Variants in AP5S1 observed in about 807,000 individuals in gnomAD.
AP5S1 encodes the protein AP-5 complex subunit sigma-1.
A neutral mutation model predicts 13.9 loss-of-function variants in AP5S1; 13 were observed. That is an observed-to-expected ratio of 0.94 (90% CI 0.61 to 1.49). AP5S1 has a LOEUF of 1.49. Among genes scored for constraint, AP5S1 ranks in the 40% most tolerant of loss-of-function variants. The pLI, the probability that AP5S1 is intolerant of heterozygous loss-of-function variation, is 0.00. For missense variants in AP5S1, 292 were observed against 272.3 expected (o/e 1.07, Z -0.51); for synonymous variants, 132 against 121.8 (o/e 1.08, Z -0.55).
chr20:3,824,491 A>C lies in AP5S1; in HGVS notation c.*194A>C. On this transcript the variant is annotated 3_prime_UTR_variant, in exon 3 of 3. Transcript: ENST00000615891. The stretch of plus-strand genomic sequence containing the variant: ...CCTGTCCTCAGGTTAGTGGAACCAC[A>C]GAACTTCCTGAGCCTAGAGCTGCTG... 3.2e-6 allele frequency: 2 copies of C among 624,358 alleles called. No homozygotes were observed. The highest frequency in any genetic ancestry group is 5.5e-6 in the Non-Finnish European group (2 of 361,230). The allele number at this position is 624,358 out of a possible 1,614,324, so 38.7% of individuals were successfully genotyped here.
intron 2 of AP5S1, chr20:3,823,633 CA>C (rs2089600647): frequency 1.0e-6 from 1 of 985,270 alleles, no homozygotes; most frequent in South Asian, 4.7e-5. Flanking sequence ...TGCCCTTTTT[CA>C]GCCCAAGGAG....
At chr20:3,822,391 G>C in intron 2 of AP5S1, 98 bp downstream of exon 2, 1 of 1,209,106 alleles carries the variant, frequency 8.3e-7, no homozygotes, top group Non-Finnish European at 1.2e-6. Context: ...GGAGGACTAA[G>C]AAGCAGAGAG....
chr20:3,821,255 C>T (rs557078633), intron 1 of AP5S1, among the ~76,000 whole-genome samples: 1 of 152,336 alleles, frequency 6.6e-6, no homozygotes, highest in Non-Finnish European at 1.5e-5. Context: ...CGAGCTCCTG[C>T]ATTCAAAATC....
chr20:3,823,774 A>G, intron 2 of AP5S1, 97 bp from the exon 3 acceptor site: 1 of 1,524,894 alleles, frequency 6.6e-7, no homozygotes, highest in Non-Finnish European at 8.8e-7. Flanking sequence ...CTCACTTGAG[A>G]TATGGGGATG....
Position 3,823,878 on chromosome 20 carries a change from G to A in AP5S1, c.184G>A (p.Glu62Lys). The A allele has an allele frequency of 1.9e-6, 3 of 1,599,692 alleles. No homozygotes were observed. The highest frequency in any genetic ancestry group is 2.5e-6 in the Non-Finnish European group (3 of 1,177,836). ...EQILAVARQV[E>K]SMCRLQQQAS... ...CCTGCCCACTCTCCCCAGGCAGGTA[G>A]AGTCAATGTGTCGGCTGCAGCAGCA... is the stretch of plus-strand genomic sequence containing the variant. The change falls in exon 3 of 3, where the codon GAG (glutamate) becomes AAG (lysine). Residue 62 changes from glutamate to lysine, a missense_variant. Physicochemically the swap from Glu to Lys is moderately conservative, Grantham distance 56. Coordinates refer to ENST00000615891, the MANE Select transcript of AP5S1 (RefSeq NM_018347.3).
At chr20:3,821,457 C>A (rs559371609) in intron 1 of AP5S1, among the ~76,000 whole-genome samples, 2 of 152,100 alleles carry the variant, frequency 1.3e-5, no homozygotes, top group African/African-American at 2.4e-5. Flanking sequence ...ACTGCAGCCT[C>A]CCCTCCCGGG....
intron 2 of AP5S1, among the ~76,000 whole-genome samples, chr20:3,822,707 T>A (rs1036745813): frequency 1.1e-4 from 16 of 152,082 alleles, no homozygotes; most frequent in Non-Finnish European, 2.1e-4. Flanking sequence ...AGAACTAAGA[T>A]TTGAGAGTAG....
In AP5S1 at chr20:3,824,549, G is replaced by T. The variant is rs952341352; in HGVS notation, c.*252G>T. On this transcript the variant is annotated 3_prime_UTR_variant, in exon 3 of 3. Transcript: ENST00000615891. ...TAGACCGCTGCCGTGCGGCAGCCAC[G>T]CTTGTCCTTGAACCCACCTTCCTCC... is the stretch of plus-strand genomic sequence containing the variant. 6 of 533,164 alleles carry T rather than the reference G, an allele frequency of 1.1e-5. No homozygotes were observed. Among genetic ancestry groups the T allele is most frequent in the Non-Finnish European group, 2.0e-5 (6 of 298,508 alleles). 33.0% of individuals were successfully genotyped at this position (533,164 alleles called of 1,614,324 possible). A position where few individuals can be genotyped will look rare whatever the true frequency, so the allele number is the denominator to read the frequency against.
At chr20:3,821,986 C>A (rs926463965) in intron 1 of AP5S1, 116 bp from the exon 2 acceptor site, 3 of 1,400,028 alleles carry the variant, frequency 2.1e-6, no homozygotes, top group African/African-American at 1.5e-5. Context: ...TCAAAGTGTT[C>A]AGCCTCACTG....
intron 2 of AP5S1, 56 bp downstream of exon 2, chr20:3,822,349 G>GTT: frequency 1.3e-6 from 2 of 1,553,382 alleles, no homozygotes; most frequent in Non-Finnish European, 1.8e-6. Flanking sequence ...ATTGTAATAG[G>GTT]TATTTTCGGG....
At position 3,824,535 on chromosome 20, in the gene AP5S1, C is replaced by T. The variant is rs555825905; in HGVS notation, c.*238C>T. The stretch of plus-strand genomic sequence containing the variant: ...GCTGCTGTGTTACTTAGACCGCTGC[C>T]GTGCGGCAGCCACGCTTGTCCTTGA... On this transcript the variant is annotated 3_prime_UTR_variant, in exon 3 of 3. Coordinates refer to ENST00000615891, the MANE Select transcript of AP5S1 (RefSeq NM_018347.3). The T allele has an allele frequency of 7.7e-5, 43 of 557,634 alleles. No homozygotes were observed. The highest frequency in any genetic ancestry group is 2.9e-4 in the Admixed American group (9 of 30,752). 34.5% of individuals were successfully genotyped at this position (557,634 alleles called of 1,614,324 possible). A position where few individuals can be genotyped will look rare whatever the true frequency, so the allele number is the denominator to read the frequency against.
rs1483553787 is a variant in AP5S1, at chr20:3,825,760, C to G, written c.*1463C>G. On this transcript the variant is annotated 3_prime_UTR_variant, in exon 3 of 3. Coordinates refer to ENST00000615891, the MANE Select transcript of AP5S1 (RefSeq NM_018347.3). ...GCGGCTGTGGGTGTTTGCCTACTGC[C>G]TTTAGTCAGTGGTTACAGGTTGATC... 1 of 151,994 alleles carries G rather than the reference C, an allele frequency of 6.6e-6. No homozygotes were observed. Among genetic ancestry groups the G allele is most frequent in the Non-Finnish European group, 1.5e-5 (1 of 68,052 alleles). 9.4% of individuals were successfully genotyped at this position (151,994 alleles called of 1,614,324 possible).
At position 3,822,195 on chromosome 20, in the gene AP5S1, C is replaced by T; in HGVS notation, c.78C>T (p.Ser26=). The change falls in exon 2 of 3, where the codon TCC becomes TCT. Residue 26 remains serine, a synonymous_variant. Transcript: ENST00000615891. The part of the protein sequence containing the change: ...EDTGLCRVLY[S]CVFGAEKSPD... ...CGGGCCTTTGCCGAGTGCTGTACTC[C>T]TGCGTCTTCGGTGCTGAGAAGTCAC... is the stretch of plus-strand genomic sequence containing the variant. The T allele has an allele frequency of 6.2e-7, 1 of 1,614,204 alleles. No homozygotes were observed.
chr20:3,824,291 C>T lies in AP5S1; in HGVS notation c.597C>T (p.Pro199=). ...GLEKEFSAAW[P]R ...AGAAGGAATTCAGTGCCGCTTGGCC[C>T]CGCTGATTCCTCGTTGGGATGGTGC... Residue 199 remains proline, a synonymous_variant, in exon 3 of 3, where the codon CCC becomes CCT. Transcript: ENST00000615891. 6.2e-7 allele frequency: 1 copy of T among 1,610,290 alleles called. No individual in the cohort carries two copies. Among genetic ancestry groups the T allele is most frequent in the African/African-American group, 1.3e-5 (1 of 75,002 alleles).
rs570229342 is a variant in AP5S1 at position 3,826,731 on chromosome 20, C to T, written c.*2434C>T. 6.6e-6 allele frequency: 1 copy of T among 152,374 alleles called. No individual in the cohort carries two copies. Among genetic ancestry groups the T allele is most frequent in the African/African-American group, 2.4e-5 (1 of 41,566 alleles). 9.4% of individuals were successfully genotyped at this position (152,374 alleles called of 1,614,324 possible). A position where few individuals can be genotyped will look rare whatever the true frequency, so the allele number is the denominator to read the frequency against. On this transcript the variant is annotated 3_prime_UTR_variant, in exon 3 of 3. Coordinates refer to ENST00000615891, the MANE Select transcript of AP5S1 (RefSeq NM_018347.3). The stretch of plus-strand genomic sequence containing the variant: ...GAGCTTGCCCAGCACCCTTCCCACA[C>T]TTCACACTTCTGCCCCAGCCTCTTG...
Position 3,824,340 on chromosome 20 carries a change from A to G in AP5S1, c.*43A>G. On this transcript the variant is annotated 3_prime_UTR_variant, in exon 3 of 3. Transcript: ENST00000615891. ...GCTTCTGAGGGCAGGCAGAGGGTAG[A>G]CACACAGCCAGATGAAGCTTGGCAT... 1.5e-5 allele frequency: 23 copies of G among 1,559,510 alleles called. No individual in the cohort carries two copies. Among genetic ancestry groups the G allele is most frequent in the Non-Finnish European group, 2.0e-5 (23 of 1,142,684 alleles).
chr20:3,821,187 A>C (rs897633628), intron 1 of AP5S1, among the ~76,000 whole-genome samples: 4 of 152,068 alleles, frequency 2.6e-5, no homozygotes, highest in Admixed American at 1.3e-4. Flanking sequence ...TGCAGATATG[A>C]AATCCTGTTT....
intron 2 of AP5S1, 34 bp downstream of exon 2, chr20:3,822,327 A>G: frequency 1.9e-6 from 3 of 1,597,222 alleles, no homozygotes; most frequent in Non-Finnish European, 1.7e-6. Context: ...GCCTTCATTG[A>G]ACACGTACCT....
rs919100290 is a variant in AP5S1 at position 3,824,428 on chromosome 20, G to A, written c.*131G>A. On this transcript the variant is annotated 3_prime_UTR_variant, in exon 3 of 3. Transcript: ENST00000615891. ...CAGGACAAGTGGGTGACACAAGCCT[G>A]CAGAAAGGGGGCTGGGCAGAGGGTG... The A allele has an allele frequency of 1.2e-5, 11 of 943,104 alleles. No individual in the cohort carries two copies. The African/African-American group carries it at 1.7e-4, about 14-fold the overall frequency. 58.4% of individuals were successfully genotyped at this position (943,104 alleles called of 1,614,324 possible). A position where few individuals can be genotyped will look rare whatever the true frequency, so the allele number is the denominator to read the frequency against.
Sources: allele counts gnomAD v4.1 joint callset (sites outside exome capture counted in the v4.1 genomes callset), GRCh38; gene constraint gnomAD v4.1.1; transcripts MANE v1.5; gene names NCBI Gene and HGNC (gene_info 2026-07-23, HGNC 2026-07-21).